The following KCNQ3 variants were observed in gnomAD, a reference collection of about 807,000 sequenced individuals.
KCNQ3 encodes the protein potassium voltage-gated channel subfamily Q member 3.
In KCNQ3, 30 loss-of-function variants were observed where a neutral mutation model predicts 92.5. The observed-to-expected ratio is 0.32, with a 90% confidence interval of 0.24 to 0.44. KCNQ3 has a LOEUF of 0.44. KCNQ3 is among the 20% of genes least tolerant of loss of function. The probability of loss-of-function intolerance (pLI) is 1.00; values close to 1 mark genes in which losing one functional copy is unlikely to be tolerated. For synonymous variants in KCNQ3, 450 were observed against 468.8 expected, an observed-to-expected ratio of 0.96 and a Z score of 0.52; for missense variants, 913 against 1,140.3, an observed-to-expected ratio of 0.80 and a Z score of 2.87.
rs1428924565 is a variant in KCNQ3 at position 132,246,862 on chromosome 8, T to C, written c.387-60681A>G. On this transcript the variant is annotated intron_variant, in intron 1 of 14. Coordinates refer to ENST00000388996, the MANE Select transcript of KCNQ3 (RefSeq NM_004519.4). The stretch of plus-strand genomic sequence containing the variant: ...GCACCATGCACTGCATGTGTGAGAC[T>C]GTCAGCTACACAAGACTCTGAGTCT... 2.6e-5 allele frequency among the ~76,000 whole-genome samples: 4 copies of C among 152,336 alleles called. No individual in the cohort carries two copies. In the East Asian group the frequency reaches 7.7e-4, roughly 29 times the overall value.
In KCNQ3 at chr8:132,480,565, C is replaced by G. The variant is rs774718546; in HGVS notation, c.-33G>C. ...GCCCCCGCCGGCCGCTTCGCCTTCT[C>G]CGCTGCTGCTCTGGGAAGAAGGGGC... On this transcript the variant is annotated 5_prime_UTR_variant, in exon 1 of 15. Transcript: ENST00000388996. 2 of 1,260,014 alleles carry G rather than the reference C, an allele frequency of 1.6e-6. No homozygotes were observed. The highest frequency in any genetic ancestry group is 1.5e-5 in the South Asian group (1 of 65,860). 78.1% of individuals were successfully genotyped at this position (1,260,014 alleles called of 1,614,324 possible). A position where few individuals can be genotyped will look rare whatever the true frequency, so the allele number is the denominator to read the frequency against.
intron 1 of KCNQ3, among the ~76,000 whole-genome samples, chr8:132,195,347 G>A (rs971110141): frequency 3.9e-5 from 6 of 152,160 alleles, no homozygotes; most frequent in African/African-American, 7.2e-5. Context: ...AGAAGAGCAC[G>A]GGAGGCAAAT....
At chr8:132,235,300 C>A (rs565356220) in intron 1 of KCNQ3, among the ~76,000 whole-genome samples, 5 of 152,094 alleles carry the variant, frequency 3.3e-5, no homozygotes, top group Non-Finnish European at 7.4e-5. Context: ...GTCAGGAGTT[C>A]GAGACCAGCC....
chr8:132,263,183 C>CTGAT (rs1815850527), intron 1 of KCNQ3, among the ~76,000 whole-genome samples: 1 of 152,198 alleles, frequency 6.6e-6, no homozygotes, highest in East Asian at 1.9e-4. Context: ...AACCTCGTGT[C>CTGAT]TGATTGCAGA....
intron 1 of KCNQ3, among the ~76,000 whole-genome samples, chr8:132,472,623 T>C (rs997757861): frequency 1.3e-5 from 2 of 151,618 alleles, no homozygotes; most frequent in Non-Finnish European, 2.9e-5. Flanking sequence ...TGTGCAGGAG[T>C]AGGGGTATAA....
chr8:132,240,767 TGAACAAA>T (rs1814968537), intron 1 of KCNQ3, among the ~76,000 whole-genome samples: 1 of 152,250 alleles, frequency 6.6e-6, no homozygotes, highest in Admixed American at 6.5e-5. Context: ...AAATATTTAT[TGAACAAA>T]TGAAAGAATA....
chr8:132,383,387 G>A (rs1052184142), intron 1 of KCNQ3, among the ~76,000 whole-genome samples: 1 of 152,256 alleles, frequency 6.6e-6, no homozygotes, highest in East Asian at 1.9e-4. Flanking sequence ...GGGAGGTAGA[G>A]GCACTGCCAG....
In KCNQ3 at chr8:132,137,872, G is replaced by A; in HGVS notation, c.1700+13C>T. 6.2e-7 allele frequency: 1 copy of A among 1,613,878 alleles called. No individual in the cohort carries two copies. Among genetic ancestry groups the A allele is most frequent in the Non-Finnish European group, 8.5e-7 (1 of 1,179,918 alleles). The stretch of plus-strand genomic sequence containing the variant: ...TGAGGGGAGCGCAGTCCCTCCAGAT[G>A]TGACTGTCTCACCTCGTCTGAAGGT... On this transcript the variant is annotated intron_variant, in intron 12 of 14. Coordinates refer to ENST00000388996, the MANE Select transcript of KCNQ3 (RefSeq NM_004519.4).
In KCNQ3 at chr8:132,339,973, C is replaced by T. The variant is rs547304520; in HGVS notation, c.386+140174G>A. ...GCAACAAACATAAAAAAAAAAAAAG[C>T]TCATCAAAAAGTTAGATAAGGAGTT... is the stretch of plus-strand genomic sequence containing the variant. On this transcript the variant is annotated intron_variant, in intron 1 of 14. Coordinates refer to ENST00000388996, the MANE Select transcript of KCNQ3 (RefSeq NM_004519.4). Among the ~76,000 whole-genome samples, 3 of 151,604 alleles carry T rather than the reference C, an allele frequency of 2.0e-5. No individual in the cohort carries two copies. The South Asian group carries it at 6.3e-4, about 32-fold the overall frequency.
At chr8:132,389,682 C>G (rs1819997163) in intron 1 of KCNQ3, among the ~76,000 whole-genome samples, 1 of 152,100 alleles carries the variant, frequency 6.6e-6, no homozygotes, top group Non-Finnish European at 1.5e-5. Flanking sequence ...GTGAGCAACC[C>G]CAGAAGCCAC....
At chr8:132,410,479 C>A (rs896346708) in intron 1 of KCNQ3, among the ~76,000 whole-genome samples, 2 of 152,182 alleles carry the variant, frequency 1.3e-5, no homozygotes, top group African/African-American at 4.8e-5. Flanking sequence ...TGGGAGAGAA[C>A]CCTGTCCTTG....
At chr8:132,279,564 G>A (rs749689793) in intron 1 of KCNQ3, among the ~76,000 whole-genome samples, 2 of 152,148 alleles carry the variant, frequency 1.3e-5, no homozygotes, top group Non-Finnish European at 2.9e-5. Flanking sequence ...GAGGATCACT[G>A]GTTAAAGCAT....
At chr8:132,259,177 C>A (rs1815691624) in intron 1 of KCNQ3, among the ~76,000 whole-genome samples, 1 of 150,136 alleles carries the variant, frequency 6.7e-6, no homozygotes. Flanking sequence ...ATTCTAATAA[C>A]AAAATCAGAT....
At chr8:132,248,330 A>G (rs1815257587) in intron 1 of KCNQ3, among the ~76,000 whole-genome samples, 1 of 77,200 alleles carries the variant, frequency 1.3e-5, no homozygotes, top group East Asian at 5.2e-4. Flanking sequence ...TTTTTAGTCT[A>G]TAAGTATATA....
At chr8:132,445,838 G>A (rs987199698) in intron 1 of KCNQ3, among the ~76,000 whole-genome samples, 5 of 152,150 alleles carry the variant, frequency 3.3e-5, no homozygotes, top group Admixed American at 2.0e-4. Flanking sequence ...TAGGTCATAC[G>A]GTTAGTAAAC....
chr8:132,344,416 C>T (rs537706268), intron 1 of KCNQ3, among the ~76,000 whole-genome samples: 5 of 152,340 alleles, frequency 3.3e-5, no homozygotes, highest in African/African-American at 9.6e-5. Context: ...TTTGCCTCCA[C>T]TTATTAGACC....
chr8:132,191,350 G>T (rs954446278), intron 1 of KCNQ3, among the ~76,000 whole-genome samples: 1 of 151,954 alleles, frequency 6.6e-6, no homozygotes, highest in African/African-American at 2.4e-5. Flanking sequence ...TAGAGATGGG[G>T]TCTCGTTATG....
intron 12 of KCNQ3, among the ~76,000 whole-genome samples, chr8:132,135,393 G>A (rs1026557620): frequency 3.3e-5 from 5 of 152,174 alleles, no homozygotes; most frequent in Non-Finnish European, 7.4e-5. Context: ...CTTATCACAG[G>A]TCCAGGACCA....
At position 132,171,643 on chromosome 8, in the gene KCNQ3, G is replaced by C. The variant is rs568087832; in HGVS notation, c.1140+955C>G. Among the ~76,000 whole-genome samples, 27 of 152,246 alleles carry C rather than the reference G, an allele frequency of 1.8e-4. 1 individual carries two copies. The South Asian group carries it at 4.4e-3, about 25-fold the overall frequency. On this transcript the variant is annotated intron_variant, in intron 7 of 14. Transcript: ENST00000388996. ...AAATGGGAAAAGTGTTTAATATTTT[G>C]CACATGTAAGGCATCTCTTTCTCTC...
Sources: allele counts gnomAD v4.1 joint callset (sites outside exome capture counted in the v4.1 genomes callset), GRCh38; gene constraint gnomAD v4.1.1; transcripts MANE v1.5; gene names NCBI Gene and HGNC (gene_info 2026-07-23, HGNC 2026-07-21).